The following OPCML variants were observed in gnomAD, a reference collection of about 807,000 sequenced individuals.
The protein encoded by OPCML is opioid binding protein/cell adhesion molecule like.
Under a neutral mutation model 37.8 loss-of-function variants are expected in OPCML, and 13 were observed. The observed-to-expected ratio is 0.34, with a 90% confidence interval of 0.22 to 0.55. The LOEUF is 0.55. Among genes scored for constraint, OPCML ranks in the 20% least tolerant of loss-of-function variants. OPCML has a pLI of 0.91. For missense variants in OPCML, 341 were observed against 435.6 expected, an observed-to-expected ratio of 0.78 and a Z score of 1.93; for synonymous variants, 176 against 168.8, an observed-to-expected ratio of 1.04 and a Z score of -0.33.
At chr11:133,179,136 T>G (rs1001341051) in intron 1 of OPCML, among the ~76,000 whole-genome samples, 56 of 152,178 alleles carry the variant, frequency 3.7e-4, no homozygotes, top group African/African-American at 1.2e-3. Flanking sequence ...GTCTAATTTT[T>G]GTCTATGTGG....
In OPCML at chr11:133,443,922, A is replaced by G. The variant is rs139008033; in HGVS notation, c.61+88342T>C. Among the ~76,000 whole-genome samples the G allele has an allele frequency of 1.9e-3, 284 of 152,286 alleles. 1 individual carries two copies. The highest frequency in any genetic ancestry group is 6.6e-3 in the African/African-American group (274 of 41,560). ...CCAGGAGTTCAAGACCAATCTGGGC[A>G]ACATAGACTCTCTGTCTCCAAACAC... On this transcript the variant is annotated intron_variant, in intron 1 of 7. Transcript: ENST00000524381.
chr11:133,469,954 C>T lies in OPCML; in HGVS notation c.61+62310G>A, dbSNP rs141556366. Among the ~76,000 whole-genome samples, 4 of 152,320 alleles carry T rather than the reference C, an allele frequency of 2.6e-5. No homozygotes were observed. In the East Asian group the frequency reaches 7.7e-4, roughly 29 times the overall value. On this transcript the variant is annotated intron_variant, in intron 1 of 7. Coordinates refer to ENST00000524381, the MANE Select transcript of OPCML (RefSeq NM_001012393.5). ...CTGCCACCTCTAAACAATTAAAATC[C>T]TTACAGTCTCTGACACTTAGACAGC... is the stretch of plus-strand genomic sequence containing the variant.
chr11:133,389,927 C>T (rs1945132397), intron 1 of OPCML, among the ~76,000 whole-genome samples: 1 of 152,182 alleles, frequency 6.6e-6, no homozygotes, highest in African/African-American at 2.4e-5. Flanking sequence ...GCTAAAGCCC[C>T]CATGAAAGAA....
At chr11:133,111,029 G>C (rs1949244108) in intron 1 of OPCML, among the ~76,000 whole-genome samples, 1 of 152,150 alleles carries the variant, frequency 6.6e-6, no homozygotes, top group Non-Finnish European at 1.5e-5. Flanking sequence ...GAGATAATAA[G>C]TGCAAAGTGA....
At chr11:132,903,993 C>A (rs1944149433) in intron 2 of OPCML, among the ~76,000 whole-genome samples, 2 of 152,320 alleles carry the variant, frequency 1.3e-5, no homozygotes, top group South Asian at 4.1e-4. Flanking sequence ...AACATATTAT[C>A]TTATAACCCC....
chr11:133,071,829 A>T (rs1948542603), intron 1 of OPCML, among the ~76,000 whole-genome samples: 1 of 152,238 alleles, frequency 6.6e-6, no homozygotes, highest in Non-Finnish European at 1.5e-5. Context: ...CTGAGCACTC[A>T]TGGGCCTCCT....
rs149925572 is a variant in OPCML at position 133,411,100 on chromosome 11, G to A, written c.61+121164C>T. Reference sequence around the variant, plus strand: ...AGAGGAACAACAAATGAAGACCAGGGAGGTCAAGGTGATGCTGGGACCTAG... The same window carrying A: ...AGAGGAACAACAAATGAAGACCAGGAAGGTCAAGGTGATGCTGGGACCTAG... On this transcript the variant is annotated intron_variant, in intron 1 of 7. Transcript: ENST00000524381. 3.9e-3 allele frequency among the ~76,000 whole-genome samples: 589 copies of A among 152,216 alleles called. 1 individual carries two copies. The highest frequency in any genetic ancestry group is 6.6e-3 in the Non-Finnish European group (446 of 68,010).
At chr11:133,146,477 G>A (rs1010300833) in intron 1 of OPCML, among the ~76,000 whole-genome samples, 12 of 152,070 alleles carry the variant, frequency 7.9e-5, no homozygotes, top group African/African-American at 2.2e-4. Context: ...ACCATGCCCA[G>A]CTAATTTTTG....
chr11:133,132,800 G>A (rs1022252569), intron 1 of OPCML, among the ~76,000 whole-genome samples: 4 of 151,388 alleles, frequency 2.6e-5, no homozygotes, highest in African/African-American at 9.7e-5. Context: ...AATAGAAAAT[G>A]CAACTCATCC....
At chr11:133,112,634 G>C (rs1471882717) in intron 1 of OPCML, among the ~76,000 whole-genome samples, 2 of 152,076 alleles carry the variant, frequency 1.3e-5, no homozygotes, top group Non-Finnish European at 2.9e-5. Context: ...TGCAATGAGG[G>C]CTATTTGCCG....
At chr11:132,757,514 C>T (rs151160737) in intron 2 of OPCML, among the ~76,000 whole-genome samples, 1,672 of 152,278 alleles carry the variant, frequency 0.011, 14 homozygotes, top group Non-Finnish European at 0.015. Flanking sequence ...GAGATGGTAT[C>T]TCATTGTGGT....
chr11:132,627,995 A>G (rs1939850566), intron 3 of OPCML, among the ~76,000 whole-genome samples: 1 of 152,176 alleles, frequency 6.6e-6, no homozygotes, highest in Non-Finnish European at 1.5e-5. Flanking sequence ...GCATATTTAA[A>G]TCTAGGCTGA....
chr11:133,047,716 C>T (rs1052281110), intron 1 of OPCML, among the ~76,000 whole-genome samples: 3 of 152,176 alleles, frequency 2.0e-5, no homozygotes, highest in African/African-American at 7.2e-5. Context: ...CCTCAGGGAG[C>T]AGCTTGAAAG....
At chr11:132,810,908 C>A (rs1386299025) in intron 2 of OPCML, 1 of 152,192 alleles carries the variant, frequency 6.6e-6, no homozygotes, top group African/African-American at 2.4e-5. Flanking sequence ...TAATGAATTT[C>A]TTTCCTGTTT....
At chr11:132,809,900 A>T (rs1401116374) in intron 2 of OPCML, among the ~76,000 whole-genome samples, 1 of 152,052 alleles carries the variant, frequency 6.6e-6, no homozygotes, top group Non-Finnish European at 1.5e-5. Context: ...GCCAGGCTGG[A>T]GTGCAGTGGC....
At chr11:132,750,621 C>T (rs1324397189) in intron 2 of OPCML, among the ~76,000 whole-genome samples, 1 of 152,136 alleles carries the variant, frequency 6.6e-6, no homozygotes, top group Non-Finnish European at 1.5e-5. Context: ...TTGAATTTTG[C>T]TTATGCATAC....
chr11:133,362,389 CGCCTCCCCTCGGAGGCT>C (rs1177319455), intron 1 of OPCML, among the ~76,000 whole-genome samples: 1 of 152,166 alleles, frequency 6.6e-6, no homozygotes, highest in Non-Finnish European at 1.5e-5. Flanking sequence ...CTTCCCTTCC[CGCCTCCCCTCGGAGGCT>C]GCCTCCCCTC....
At chr11:133,304,688 A>T (rs1942868091) in intron 1 of OPCML, among the ~76,000 whole-genome samples, 1 of 152,172 alleles carries the variant, frequency 6.6e-6, no homozygotes, top group Non-Finnish European at 1.5e-5. Flanking sequence ...GAAGGAAGGT[A>T]CCCTAAAAAT....
At chr11:133,301,319 T>C (rs1256340942) in intron 1 of OPCML, 1 of 152,228 alleles carries the variant, frequency 6.6e-6, no homozygotes, top group Non-Finnish European at 1.5e-5. Flanking sequence ...TCTGTCATTT[T>C]AGAAATAATT....
Sources: gnomAD v4.1 joint callset for allele counts (sites outside exome capture counted in the v4.1 genomes callset) on GRCh38, gnomAD v4.1.1 for gene constraint, MANE v1.5 for transcripts, NCBI Gene and HGNC (gene_info 2026-07-23, HGNC 2026-07-21) for gene names.